Variants in HTRA4 observed in about 807,000 individuals in gnomAD.
HTRA4 encodes the protein HtrA serine peptidase 4.
HTRA4 carries 46 observed loss-of-function variants against 49.1 expected under a neutral mutation model. The ratio of observed to expected loss-of-function variants is 0.94; its 90% CI spans 0.74 to 1.20. The LOEUF (loss-of-function observed/expected upper bound fraction) is 1.20. Ranked by LOEUF, HTRA4 falls within the 50% of genes most tolerant of loss-of-function variation. The probability of loss-of-function intolerance (pLI) is 0.00; values close to 1 mark genes in which losing one functional copy is unlikely to be tolerated. For synonymous variants in HTRA4, 261 were observed against 264.0 expected (o/e 0.99, Z 0.11); for missense variants, 602 against 636.9 (o/e 0.95, Z 0.59).
rs919613898 is a variant in HTRA4, at chr8:38,978,178, C to T, written c.966+31C>T. The T allele has an allele frequency of 3.8e-6, 6 of 1,577,388 alleles. No homozygotes were observed. In the African/African-American group the frequency reaches 4.0e-5, roughly 11 times the overall value. On this transcript the variant is annotated intron_variant, in intron 4 of 8. Transcript: ENST00000302495. ...TCACTTAGGACAGAGGTGCCCAACC[C>T]ATGGGCTGTGGACCAGTACAGGTCC...
In HTRA4 at chr8:38,974,593, G is replaced by A. The variant is rs776422112; in HGVS notation, c.330G>A (p.Thr110=). 4.2e-6 allele frequency: 6 copies of A among 1,424,944 alleles called. No homozygotes were observed. In the East Asian group the frequency reaches 1.5e-4, roughly 35 times the overall value. 88.3% of individuals were successfully genotyped at this position (1,424,944 alleles called of 1,614,324 possible). A position where few individuals can be genotyped will look rare whatever the true frequency, so the allele number is the denominator to read the frequency against. The part of the protein sequence containing the change: ...PGFPSTCGCP[T]LGGAVCGSDR... ...TCCCCAGCACCTGCGGTTGCCCGACGCTGGGAGGGGCCGTGTGCGGCAGCG... is the reference window on the plus strand; with the variant it reads ...TCCCCAGCACCTGCGGTTGCCCGACACTGGGAGGGGCCGTGTGCGGCAGCG... The change falls in exon 1 of 9, where the codon ACG becomes ACA. Residue 110 remains threonine (T), a synonymous_variant. Transcript: ENST00000302495.
intron 8 of HTRA4, among the ~76,000 whole-genome samples, chr8:38,984,893 G>T (rs1195438091): frequency 6.6e-6 from 1 of 152,124 alleles, no homozygotes; most frequent in Non-Finnish European, 1.5e-5. Flanking sequence ...TCCAGCCTGT[G>T]CAACAGAGTG....
intron 8 of HTRA4, 108 bp downstream of exon 8, chr8:38,983,156 A>T: frequency 3.0e-6 from 2 of 658,590 alleles, no homozygotes; most frequent in South Asian, 3.8e-5. Context: ...AGTGGCCACT[A>T]CTTACATGTA....
At chr8:38,982,604 C>G (rs370158891) in intron 7 of HTRA4, 49 bp downstream of exon 7, 2 of 1,544,482 alleles carry the variant, frequency 1.3e-6, no homozygotes, top group African/African-American at 2.7e-5. Context: ...AGGCAAAAAC[C>G]ATAGCTGCAC....
In HTRA4 at chr8:38,974,459, T is replaced by C. The variant is rs777899358; in HGVS notation, c.196T>C (p.Cys66Arg). 46 of 1,534,472 alleles carry C rather than the reference T, an allele frequency of 3.0e-5. No individual in the cohort carries two copies. Among genetic ancestry groups the C allele is most frequent in the Middle Eastern group, 4.5e-4 (2 of 4,452 alleles). The part of the protein sequence containing the change: ...ALGTTPVFDL[C>R]RCCRVCPAAE... ...GGGGACCACGCCGGTGTTCGACCTG[T>C]GCCGCTGTTGCCGCGTCTGCCCCGC... Residue 66 changes from cysteine (C) to arginine (R), a missense_variant, in exon 1 of 9, where the codon TGC (cysteine) becomes CGC (arginine). Coordinates refer to ENST00000302495, the MANE Select transcript of HTRA4 (RefSeq NM_153692.4).
intron 8 of HTRA4, among the ~76,000 whole-genome samples, chr8:38,986,515 C>T (rs540036841): frequency 5.3e-5 from 8 of 152,264 alleles, no homozygotes; most frequent in South Asian, 2.1e-4. Context: ...GTGATCCACA[C>T]GCCTGTGGCT....
At chr8:38,987,096 GCTT>G (rs34112674) in intron 8 of HTRA4, among the ~76,000 whole-genome samples, 46,680 of 151,864 alleles carry the variant, frequency 0.31, 7,426 homozygotes, top group Non-Finnish European at 0.37. Context: ...CTTGCGTTAA[GCTT>G]CTTCTTTTTA....
At chr8:38,975,162 C>T (rs1209416452) in intron 2 of HTRA4, 32 bp downstream of exon 2, 2 of 1,598,910 alleles carry the variant, frequency 1.3e-6, no homozygotes, top group South Asian at 2.2e-5. Context: ...CTCCACTGTC[C>T]CAGCTAATGG....
intron 3 of HTRA4, among the ~76,000 whole-genome samples, chr8:38,977,657 T>C (rs1017728341): frequency 2.6e-5 from 4 of 152,250 alleles, no homozygotes; most frequent in Non-Finnish European, 5.9e-5. Context: ...TGTCAGTTTA[T>C]GTTCATCAGT....
chr8:38,982,474 A>G, intron 6 of HTRA4, 24 bp from the exon 7 acceptor site: 1 of 1,606,686 alleles, frequency 6.2e-7, no homozygotes, highest in Middle Eastern at 1.7e-4. Flanking sequence ...TTTTGTTGTA[A>G]CACATCATAA....
chr8:38,985,301 C>T (rs1322187913), intron 8 of HTRA4, among the ~76,000 whole-genome samples: 1 of 152,040 alleles, frequency 6.6e-6, no homozygotes, highest in Non-Finnish European at 1.5e-5. Flanking sequence ...GCTGGCACTA[C>T]AGGCGTGTGC....
At chr8:38,979,628 C>T (rs1398803962) in intron 5 of HTRA4, among the ~76,000 whole-genome samples, 1 of 152,120 alleles carries the variant, frequency 6.6e-6, no homozygotes, top group Non-Finnish European at 1.5e-5. Context: ...TTTCTCTCTT[C>T]CCCGTGCTTT....
chr8:38,974,945 C>T, intron 1 of HTRA4, 86 bp from the exon 2 acceptor site: 3 of 1,502,706 alleles, frequency 2.0e-6, no homozygotes, highest in Admixed American at 1.7e-5. Flanking sequence ...ACCTTTTGAA[C>T]ACTGTCTTGC....
chr8:38,979,201 A>C lies in HTRA4; in HGVS notation c.967-14A>C. 6.2e-7 allele frequency: 1 copy of C among 1,610,632 alleles called. No individual in the cohort carries two copies. Among genetic ancestry groups the C allele is most frequent in the Non-Finnish European group, 8.5e-7 (1 of 1,176,888 alleles). On this transcript the variant is annotated splice_polypyrimidine_tract_variant and intron_variant, in intron 4 of 8. Transcript: ENST00000302495. ...ATTAGCTTCACTGATGTCTTTTTCAAATTCTGCTTTTAGTATGGGAATTCT... is the reference window on the plus strand; with the variant it reads ...ATTAGCTTCACTGATGTCTTTTTCACATTCTGCTTTTAGTATGGGAATTCT...
At chr8:38,985,290 A>C (rs1022802470) in intron 8 of HTRA4, among the ~76,000 whole-genome samples, 5 of 151,820 alleles carry the variant, frequency 3.3e-5, no homozygotes, top group Non-Finnish European at 1.5e-5. Flanking sequence ...CCTCCCGAGG[A>C]GCTGGCACTA....
Position 38,978,146 on chromosome 8 carries a change from AT to A in HTRA4, c.966del (p.Tyr323MetfsTer9), listed in dbSNP as rs747774783. On this transcript the variant is annotated frameshift_variant and splice_region_variant, in exon 4 of 9. Coordinates refer to ENST00000302495, the MANE Select transcript of HTRA4 (RefSeq NM_153692.4). LOFTEE classifies it high-confidence loss of function. ...TACGTCCAGATTGATGCCACAATTA[AT>A]GTAAGTCACTTAGGACAGAGGTGCC... ...MDYVQIDATI[N>X]YGNSGGPLVN... 12 of 1,612,140 alleles carry A rather than the reference AT, an allele frequency of 7.4e-6. No homozygotes were observed. Among genetic ancestry groups the A allele is most frequent in the Non-Finnish European group, 1.0e-5 (12 of 1,178,842 alleles).
At chr8:38,974,808 G>T in intron 1 of HTRA4, 79 bp downstream of exon 1, 1 of 1,317,334 alleles carries the variant, frequency 7.6e-7, no homozygotes, top group Non-Finnish European at 1.0e-6. Flanking sequence ...CACTGAGACC[G>T]CACAGTTCGC....
At chr8:38,981,806 T>G in intron 6 of HTRA4, 39 bp downstream of exon 6, 1 of 1,416,224 alleles carries the variant, frequency 7.1e-7, no homozygotes, top group Admixed American at 1.8e-5. Flanking sequence ...TGGTTTCGTC[T>G]TGTGCTTTTC....
At chr8:38,976,477 A>G (rs929573846) in intron 2 of HTRA4, 58 bp from the exon 3 acceptor site, 29 of 1,488,500 alleles carry the variant, frequency 1.9e-5, no homozygotes, top group South Asian at 3.4e-5. Context: ...CTCAGATTAT[A>G]TGGCTGTATC....
Sources: gnomAD v4.1 joint callset for allele counts (sites outside exome capture counted in the v4.1 genomes callset) on GRCh38, gnomAD v4.1.1 for gene constraint, MANE v1.5 for transcripts, NCBI Gene and HGNC (gene_info 2026-07-23, HGNC 2026-07-21) for gene names.